CCDC191: variants seen among roughly 807,000 people sequenced by gnomAD.
CCDC191 encodes the protein coiled-coil domain containing 191, also known as coiled-coil domain-containing protein 191.
In CCDC191, 99 loss-of-function variants were observed where a neutral mutation model predicts 114.0. That is an observed-to-expected ratio of 0.87 (90% CI 0.74 to 1.03). The LOEUF (loss-of-function observed/expected upper bound fraction) is 1.03. CCDC191 is among the 50% of genes least tolerant of loss of function. The probability of loss-of-function intolerance (pLI) is 0.00; values close to 1 mark genes in which losing one functional copy is unlikely to be tolerated. For synonymous variants in CCDC191, 351 were observed against 376.0 expected, an observed-to-expected ratio of 0.93 and a Z score of 0.77; for missense variants, 973 against 1,087.0, an observed-to-expected ratio of 0.90 and a Z score of 1.47.
Position 114,004,639 on chromosome 3 carries a change from T to C in CCDC191, c.1976A>G (p.Lys659Arg). Residue 659 changes from lysine to arginine, a missense_variant and splice_region_variant, in exon 11 of 17, where the codon AAA becomes AGA. By Grantham distance (26) the Lys-to-Arg change is conservative. Transcript: ENST00000295878. ...GGCCACCACCGAGACAGCCCTGCCT[T>C]TTAGTATGGGATGCGGTGTCATCAA... is the stretch of plus-strand genomic sequence containing the variant. The part of the protein sequence containing the change: ...KQLMTPHPIL[K>R]AMEERAIQRA... 1 of 1,610,616 alleles carries C rather than the reference T, an allele frequency of 6.2e-7. No individual in the cohort carries two copies. Among genetic ancestry groups the C allele is most frequent in the Non-Finnish European group, 8.5e-7 (1 of 1,178,394 alleles).
chr3:114,006,448 C>T (rs943817459), intron 9 of CCDC191, among the ~76,000 whole-genome samples: 5 of 143,696 alleles, frequency 3.5e-5, no homozygotes, highest in African/African-American at 1.3e-4. Context: ...GACCCTGGCT[C>T]AAAAAAAAAG....
rs887679387 is a variant in CCDC191, at chr3:113,988,626, CAA to C, written c.2164-7835_2164-7834del. ...GGGCAACAAGAGTGAGACTCCATCTCAAAAAAAAAAAAAAAAAAAAAAAGATT... is the reference window on the plus strand; with the variant it reads ...GGGCAACAAGAGTGAGACTCCATCTCAAAAAAAAAAAAAAAAAAAAAGATT... On this transcript the variant is annotated intron_variant, in intron 13 of 16. Coordinates refer to ENST00000295878, the MANE Select transcript of CCDC191 (RefSeq NM_020817.2). Among the ~76,000 whole-genome samples, 92 of 43,636 alleles carry C rather than the reference CAA, an allele frequency of 2.1e-3. 1 individual carries two copies. Among genetic ancestry groups the C allele is most frequent in the African/African-American group, 6.9e-3 (77 of 11,082 alleles). 28.6% of individuals were successfully genotyped at this position (43,636 alleles called of 152,430 possible).
Position 114,026,235 on chromosome 3 carries a change from T to C in CCDC191, c.972+5391A>G, listed in dbSNP as rs191255425. Reference sequence around the variant, plus strand: ...GCCCTCACTGTCACCTCTGTGAGAATGGGACATCTGGGTTACTTACAGGGT... The same window carrying C: ...GCCCTCACTGTCACCTCTGTGAGAACGGGACATCTGGGTTACTTACAGGGT... On this transcript the variant is annotated intron_variant, in intron 7 of 16. Coordinates refer to ENST00000295878, the MANE Select transcript of CCDC191 (RefSeq NM_020817.2). Among the ~76,000 whole-genome samples the C allele has an allele frequency of 3.1e-4, 47 of 152,340 alleles. No individual in the cohort carries two copies. In the East Asian group the frequency reaches 8.5e-3, roughly 27 times the overall value.
intron 16 of CCDC191, among the ~76,000 whole-genome samples, chr3:113,970,511 G>A (rs1940690775): frequency 6.6e-6 from 1 of 152,054 alleles, no homozygotes; most frequent in African/African-American, 2.4e-5. Context: ...AGGACTTGCA[G>A]TATTATATTG....
chr3:114,001,615 C>G lies in CCDC191; in HGVS notation c.2143G>C (p.Glu715Gln). Residue 715 changes from glutamate (E) to glutamine (Q), a missense_variant, in exon 13 of 17, where the codon GAG (glutamate) becomes CAG (glutamine). Glu to Gln is a conservative substitution (Grantham distance 29). Coordinates refer to ENST00000295878, the MANE Select transcript of CCDC191 (RefSeq NM_020817.2). ...KEAQLERKRE[E>Q]KRLKKMKELE... Reference sequence around the variant, plus strand: ...CTAACCATTTTCTTCAGTCTCTTCTCTTCTCGTTTTCTTTCAAGCTGTGCC... The same window carrying G: ...CTAACCATTTTCTTCAGTCTCTTCTGTTCTCGTTTTCTTTCAAGCTGTGCC... The G allele has an allele frequency of 6.2e-7, 1 of 1,613,838 alleles. No homozygotes were observed. The highest frequency in any genetic ancestry group is 8.5e-7 in the Non-Finnish European group (1 of 1,179,782).
At chr3:114,008,747 G>T (rs938669101) in intron 9 of CCDC191, among the ~76,000 whole-genome samples, 2 of 151,958 alleles carry the variant, frequency 1.3e-5, no homozygotes, top group African/African-American at 4.8e-5. Context: ...ATAAGAAAAA[G>T]ATATCAAATA....
intron 4 of CCDC191, 51 bp downstream of exon 4, chr3:114,042,652 T>TA: frequency 7.0e-7 from 1 of 1,419,426 alleles, no homozygotes; most frequent in Non-Finnish European, 9.4e-7. Flanking sequence ...AAAGACTTCT[T>TA]AGACACATTC....
At position 114,013,473 on chromosome 3, in the gene CCDC191, G is replaced by A. The variant is rs564077770; in HGVS notation, c.1164-2452C>T. Among the ~76,000 whole-genome samples, 21 of 152,190 alleles carry A rather than the reference G, an allele frequency of 1.4e-4. 1 individual carries two copies. In the South Asian group the frequency reaches 3.3e-3, roughly 24 times the overall value. On this transcript the variant is annotated intron_variant, in intron 8 of 16. Transcript: ENST00000295878. ...CTAAAACATAAATATTTCTAAAAGC[G>A]AAAAATCACTTAAATTTCTTAAACC...
intron 7 of CCDC191, among the ~76,000 whole-genome samples, chr3:114,023,766 T>G (rs1266250638): frequency 6.6e-6 from 1 of 152,034 alleles, no homozygotes. Context: ...GCAGAAAACC[T>G]AGGCAATACC....
Position 113,984,288 on chromosome 3 carries a change from C to T in CCDC191, c.2164-3495G>A, listed in dbSNP as rs149911332. ...CTCTGTTGGACAATTTGCTGGTACACTCAATGAGCAAAAATACCCGCCCAA... is the reference window on the plus strand; with the variant it reads ...CTCTGTTGGACAATTTGCTGGTACATTCAATGAGCAAAAATACCCGCCCAA... On this transcript the variant is annotated intron_variant, in intron 13 of 16. Coordinates refer to ENST00000295878, the MANE Select transcript of CCDC191 (RefSeq NM_020817.2). The T allele has an allele frequency of 1.9e-3, 288 of 152,140 alleles. 1 individual carries two copies. The highest frequency in any genetic ancestry group is 6.8e-3 in the African/African-American group (283 of 41,504). 9.4% of individuals were successfully genotyped at this position (152,140 alleles called of 1,614,324 possible).
chr3:113,969,105 A>G (rs921397207), intron 16 of CCDC191, among the ~76,000 whole-genome samples: 7 of 152,186 alleles, frequency 4.6e-5, no homozygotes, highest in Non-Finnish European at 1.0e-4. Context: ...TCCGTAACTA[A>G]TAGAGTGAGA....
In CCDC191 at chr3:114,015,860, T is replaced by G. The variant is rs150324754; in HGVS notation, c.1163+2818A>C. Among the ~76,000 whole-genome samples the G allele has an allele frequency of 3.1e-3, 478 of 152,300 alleles. 3 individuals carry two copies. The highest frequency in any genetic ancestry group is 0.011 in the African/African-American group (451 of 41,556). On this transcript the variant is annotated intron_variant, in intron 8 of 16. Transcript: ENST00000295878. ...ACAATTCCTATTAGGAAAAGCAAGA[T>G]GCATTTTTAGAAGAAATAAGTGGAT...
At chr3:114,036,816 A>AT (rs762316306) in intron 4 of CCDC191, 30 bp from the exon 5 acceptor site, 4 of 1,440,276 alleles carry the variant, frequency 2.8e-6, no homozygotes, top group African/African-American at 1.5e-5. Flanking sequence ...AAAAAAGGGA[A>AT]TTTTTTTAAA....
At position 113,987,707 on chromosome 3, in the gene CCDC191, A is replaced by G. The variant is rs140480007; in HGVS notation, c.2164-6914T>C. 1.2e-4 allele frequency among the ~76,000 whole-genome samples: 19 copies of G among 152,324 alleles called. 1 individual carries two copies. In the East Asian group the frequency reaches 3.7e-3, roughly 29 times the overall value. ...TGCTACGACACTCAGGTAGAAGGAG[A>G]TTATTTTAAAAATGTAAACACTAGG... On this transcript the variant is annotated intron_variant, in intron 13 of 16. Coordinates refer to ENST00000295878, the MANE Select transcript of CCDC191 (RefSeq NM_020817.2).
intron 13 of CCDC191, among the ~76,000 whole-genome samples, chr3:113,991,919 A>C (rs542813210): frequency 8.5e-5 from 13 of 152,226 alleles, no homozygotes; most frequent in African/African-American, 3.1e-4. Context: ...ATAGTGCCCC[A>C]AAAATGCAGT....
intron 13 of CCDC191, among the ~76,000 whole-genome samples, chr3:113,989,709 G>A (rs2075492224): frequency 6.6e-6 from 1 of 152,180 alleles, no homozygotes; most frequent in African/African-American, 2.4e-5. Flanking sequence ...GGAGAGGCCA[G>A]GCATGGTGGC....
At chr3:114,040,422 G>C (rs1013859131) in intron 4 of CCDC191, among the ~76,000 whole-genome samples, 1 of 152,018 alleles carries the variant, frequency 6.6e-6, no homozygotes, top group Non-Finnish European at 1.5e-5. Flanking sequence ...GGAGTCTTTT[G>C]TCAGGTGTAT....
At chr3:114,020,719 C>G (rs977764992) in intron 7 of CCDC191, among the ~76,000 whole-genome samples, 1 of 152,028 alleles carries the variant, frequency 6.6e-6, no homozygotes, top group Admixed American at 6.6e-5. Flanking sequence ...GTCTGTTTAC[C>G]AAATCCCCTT....
At chr3:114,021,015 T>A (rs961840985) in intron 7 of CCDC191, among the ~76,000 whole-genome samples, 1 of 152,128 alleles carries the variant, frequency 6.6e-6, no homozygotes, top group African/African-American at 2.4e-5. Context: ...GAGAAAGGTT[T>A]AATGACTAAA....
Sources: gnomAD v4.1 joint callset for allele counts (sites outside exome capture counted in the v4.1 genomes callset) on GRCh38, gnomAD v4.1.1 for gene constraint, MANE v1.5 for transcripts, NCBI Gene and HGNC (gene_info 2026-07-23, HGNC 2026-07-21) for gene names.